THEMIS: variants seen among roughly 807,000 people sequenced by gnomAD.
THEMIS encodes the protein protein THEMIS.
A neutral mutation model predicts 52.6 loss-of-function variants in THEMIS; 37 were observed. The observed-to-expected ratio is 0.70, with a 90% CI of 0.54 to 0.93. The LOEUF is 0.93. Ranked by LOEUF, THEMIS falls within the 40% of genes least tolerant of loss-of-function variation. The pLI, the probability that THEMIS is intolerant of heterozygous loss-of-function variation, is 0.00. For synonymous variants in THEMIS, 292 were observed against 272.7 expected (o/e 1.07, Z -0.70); for missense variants, 808 against 763.1 (o/e 1.06, Z -0.69).
chr6:127,728,256 C>A (rs1774623054), intron 4 of THEMIS, among the ~76,000 whole-genome samples: 1 of 152,176 alleles, frequency 6.6e-6, no homozygotes, highest in Non-Finnish European at 1.5e-5. Flanking sequence ...CTTGCTGCTT[C>A]TAACACTGCT....
At chr6:127,868,472 C>G (rs1211777501) in intron 1 of THEMIS, 23 of 985,242 alleles carry the variant, frequency 2.3e-5, no homozygotes, top group Non-Finnish European at 2.4e-5. Context: ...ATCAGCATTT[C>G]CCAACCTTCC....
intron 1 of THEMIS, among the ~76,000 whole-genome samples, chr6:127,879,697 G>T (rs1178838554): frequency 6.6e-6 from 1 of 151,470 alleles, no homozygotes; most frequent in East Asian, 1.9e-4. Context: ...TTATTTGCGG[G>T]CAGGGTGTAG....
At position 127,769,935 on chromosome 6, in the gene THEMIS, C is replaced by T. The variant is rs377699473; in HGVS notation, c.1758+42948G>A. Among the ~76,000 whole-genome samples, 38 of 152,324 alleles carry T rather than the reference C, an allele frequency of 2.5e-4. No homozygotes were observed. The South Asian group carries it at 3.3e-3, about 13-fold the overall frequency. ...ATGGTTTCCAGCTTCATCCATGTCC[C>T]TACAAAGGACATGAACTCACCCTTT... On this transcript the variant is annotated intron_variant, in intron 4 of 5. Coordinates refer to ENST00000368248, the MANE Select transcript of THEMIS (RefSeq NM_001010923.3).
chr6:127,911,109 T>A (rs1036406051), intron 1 of THEMIS, among the ~76,000 whole-genome samples: 1 of 151,408 alleles, frequency 6.6e-6, no homozygotes, highest in African/African-American at 2.5e-5. Flanking sequence ...ATCAAAATTA[T>A]AGACTATCAA....
chr6:127,774,331 G>T (rs567973210), intron 4 of THEMIS, among the ~76,000 whole-genome samples: 1 of 152,108 alleles, frequency 6.6e-6, no homozygotes, highest in Non-Finnish European at 1.5e-5. Context: ...TCAGCCTCCC[G>T]AGTAGCTGGG....
chr6:127,706,520 A>G (rs896205095), downstream of THEMIS, among the ~76,000 whole-genome samples: 12 of 152,190 alleles, frequency 7.9e-5, no homozygotes, highest in Non-Finnish European at 1.8e-4. Flanking sequence ...GATATATGCC[A>G]GACACTATTC....
At chr6:127,698,015 G>A in the THEMIS span, among the ~76,000 whole-genome samples, 4 of 152,128 alleles carry the variant, frequency 2.6e-5, 1 homozygote, top group African/African-American at 9.6e-5. Flanking sequence ...TTAAATTAAT[G>A]TTGCTCTATA....
chr6:127,754,012 A>G (rs544873639), intron 4 of THEMIS, among the ~76,000 whole-genome samples: 27 of 152,222 alleles, frequency 1.8e-4, no homozygotes, highest in South Asian at 1.2e-3. Context: ...TGATGGTTTT[A>G]TGGGTTTATA....
At chr6:127,753,898 A>T (rs1775731241) in intron 4 of THEMIS, among the ~76,000 whole-genome samples, 1 of 152,174 alleles carries the variant, frequency 6.6e-6, no homozygotes, top group Non-Finnish European at 1.5e-5. Context: ...TCTTATAATA[A>T]TAATAACAAC....
rs964746362 is a variant in THEMIS at position 127,823,510 on chromosome 6, A to G, written c.709+5966T>C. ...GCATAAACAATGTGTTACTTGCTTT[A>G]TTCATTCTTTCATGTACTTGATTTA... On this transcript the variant is annotated intron_variant, in intron 3 of 5. Coordinates refer to ENST00000368248, the MANE Select transcript of THEMIS (RefSeq NM_001010923.3). Among the ~76,000 whole-genome samples the G allele has an allele frequency of 7.2e-5, 11 of 152,292 alleles. 1 individual carries two copies. The highest frequency in any genetic ancestry group is 2.6e-4 in the African/African-American group (11 of 41,556).
chr6:127,722,145 C>G (rs1182600303), intron 4 of THEMIS, among the ~76,000 whole-genome samples: 1 of 151,946 alleles, frequency 6.6e-6, no homozygotes, highest in Non-Finnish European at 1.5e-5. Flanking sequence ...TAATTAAGAG[C>G]CTCATTTTCC....
chr6:127,878,750 T>C (rs1212544148), intron 1 of THEMIS, among the ~76,000 whole-genome samples: 1 of 152,206 alleles, frequency 6.6e-6, no homozygotes, highest in Non-Finnish European at 1.5e-5. Flanking sequence ...TTTCTGAATA[T>C]TACTGAGCAG....
chr6:127,712,354 T>C (rs1338347814), intron 5 of THEMIS, among the ~76,000 whole-genome samples: 2 of 151,962 alleles, frequency 1.3e-5, no homozygotes, highest in East Asian at 3.9e-4. Flanking sequence ...ATCTATGCTC[T>C]GGTGGCAAGC....
At chr6:127,750,588 C>T (rs1326373695) in intron 4 of THEMIS, among the ~76,000 whole-genome samples, 5 of 151,688 alleles carry the variant, frequency 3.3e-5, no homozygotes. Context: ...TGGCACAAAA[C>T]ATAGTCAAAC....
intron 4 of THEMIS, among the ~76,000 whole-genome samples, chr6:127,782,217 A>G (rs924045825): frequency 6.6e-6 from 1 of 152,100 alleles, no homozygotes. Context: ...AAGCCAGTGG[A>G]TGTTACCTTT....
intron 1 of THEMIS, among the ~76,000 whole-genome samples, chr6:127,915,922 G>A (rs920030651): frequency 6.6e-6 from 1 of 152,160 alleles, no homozygotes; most frequent in South Asian, 2.1e-4. Context: ...AGGAGGCAGA[G>A]GTTGCAGTGA....
chr6:127,893,318 G>A (rs1051839203), intron 1 of THEMIS, among the ~76,000 whole-genome samples: 4 of 152,046 alleles, frequency 2.6e-5, no homozygotes, highest in Admixed American at 6.6e-5. Context: ...CAGCATTAAG[G>A]TAATAATAAT....
At chr6:127,798,799 G>C (rs1777420482) in intron 4 of THEMIS, among the ~76,000 whole-genome samples, 1 of 151,826 alleles carries the variant, frequency 6.6e-6, no homozygotes, top group African/African-American at 2.4e-5. Flanking sequence ...GACCATCCTG[G>C]CTAAAACGGT....
chr6:127,903,189 T>C (rs1181041077), upstream of THEMIS, among the ~76,000 whole-genome samples: 2 of 152,068 alleles, frequency 1.3e-5, no homozygotes, highest in Non-Finnish European at 2.9e-5. Context: ...TACCACTCAC[T>C]CTGTCTTTGC....
Sources: allele counts gnomAD v4.1 joint callset (sites outside exome capture counted in the v4.1 genomes callset), GRCh38; gene constraint gnomAD v4.1.1; transcripts MANE v1.5; gene names NCBI Gene and HGNC (gene_info 2026-07-23, HGNC 2026-07-21).